Variants in FAM47E observed in about 807,000 individuals in gnomAD.
FAM47E encodes the protein family with sequence similarity 47 member E.
Under a neutral mutation model 41.6 loss-of-function variants are expected in FAM47E, and 32 were observed. That is an observed-to-expected ratio of 0.77 (90% CI 0.58 to 1.03). The LOEUF (loss-of-function observed/expected upper bound fraction) is 1.03, where lower values mean the gene tolerates loss of function less well. Among genes scored for constraint, FAM47E ranks in the 50% least tolerant of loss-of-function variants. FAM47E has a pLI of 0.00. For synonymous variants in FAM47E, 184 were observed against 188.7 expected (o/e 0.98, Z 0.20); for missense variants, 424 against 485.4 (o/e 0.87, Z 1.19).
chr4:76,225,795 T>G (rs545451363), intron 2 of FAM47E, among the ~76,000 whole-genome samples: 1 of 152,308 alleles, frequency 6.6e-6, no homozygotes, highest in Non-Finnish European at 1.5e-5. Flanking sequence ...TAGCTAGTAT[T>G]TTGTTGTAGA....
intron 5 of FAM47E, 53 bp from the exon 6 acceptor site, chr4:76,278,016 A>G: frequency 7.1e-7 from 1 of 1,408,478 alleles, no homozygotes; most frequent in Non-Finnish European, 9.3e-7. Context: ...GATTTTTGAA[A>G]TGACAAACAA....
chr4:76,251,564 C>G (rs1445246563), upstream of FAM47E: 3 of 1,240,356 alleles, frequency 2.4e-6, no homozygotes, highest in Non-Finnish European at 1.0e-6. Flanking sequence ...TCTCCCTTCC[C>G]TCGGCCAGGT....
Position 76,251,730 on chromosome 4 carries a change from G to T in FAM47E, c.-17G>T. 5 of 1,472,812 alleles carry T rather than the reference G, an allele frequency of 3.4e-6. No homozygotes were observed. Among genetic ancestry groups the T allele is most frequent in the Non-Finnish European group, 4.5e-6 (5 of 1,119,182 alleles). 91.2% of individuals were successfully genotyped at this position (1,472,812 alleles called of 1,614,324 possible). A position where few individuals can be genotyped will look rare whatever the true frequency, so the allele number is the denominator to read the frequency against. ...CACCGCCCAAGCCCGGACGGTGGCC[G>T]CGAAGCTAGGGCCACCATGGCGGAC... is the stretch of plus-strand genomic sequence containing the variant. On this transcript the variant is annotated 5_prime_UTR_variant, in exon 1 of 8. Coordinates refer to ENST00000424749, the MANE Select transcript of FAM47E (RefSeq NM_001136570.3).
At chr4:76,258,442 G>GA (rs1191060925) in intron 2 of FAM47E, among the ~76,000 whole-genome samples, 4 of 152,044 alleles carry the variant, frequency 2.6e-5, no homozygotes, top group Admixed American at 2.0e-4. Flanking sequence ...GTTCTCCAAG[G>GA]AAAAATCCAG....
intron 1 of FAM47E, among the ~76,000 whole-genome samples, chr4:76,217,427 G>T (rs954785956): frequency 1.3e-5 from 2 of 152,188 alleles, no homozygotes; most frequent in Non-Finnish European, 2.9e-5. Flanking sequence ...CCTGAGGAGA[G>T]ATTGTTCATG....
At chr4:76,235,159 A>G (rs1396361997) in intron 2 of FAM47E, among the ~76,000 whole-genome samples, 3 of 152,052 alleles carry the variant, frequency 2.0e-5, no homozygotes, top group African/African-American at 7.2e-5. Context: ...CTACTAAAAA[A>G]TACAAAAAAT....
intron 1 of FAM47E, among the ~76,000 whole-genome samples, chr4:76,216,463 C>T (rs974743596): frequency 2.5e-4 from 38 of 152,188 alleles, no homozygotes; most frequent in Admixed American, 2.3e-3. Flanking sequence ...TCCATAGGTA[C>T]CCACTCCTCC....
At chr4:76,255,339 T>G (rs1381482415) in intron 1 of FAM47E, among the ~76,000 whole-genome samples, 5 of 152,228 alleles carry the variant, frequency 3.3e-5, no homozygotes, top group Admixed American at 3.3e-4. Flanking sequence ...AGGGTTGTTA[T>G]GAGATTTAAA....
intron 2 of FAM47E, among the ~76,000 whole-genome samples, chr4:76,230,692 C>T (rs1733477090): frequency 6.6e-6 from 1 of 152,034 alleles, no homozygotes; most frequent in African/African-American, 2.4e-5. Flanking sequence ...GTCCTTCCAT[C>T]CCCGAGTCCA....
chr4:76,259,736 G>A (rs974808707), intron 2 of FAM47E, among the ~76,000 whole-genome samples: 3 of 152,122 alleles, frequency 2.0e-5, no homozygotes, highest in Admixed American at 2.0e-4. Flanking sequence ...TCAGATGAAT[G>A]GATTGGTCAT....
At chr4:76,215,992 TG>T (rs1256422562) in intron 1 of FAM47E, among the ~76,000 whole-genome samples, 1 of 152,198 alleles carries the variant, frequency 6.6e-6, no homozygotes, top group Non-Finnish European at 1.5e-5. Context: ...TGGGACATTT[TG>T]TAGCTACCAA....
Position 76,271,676 on chromosome 4 carries a change from C to A in FAM47E, c.778C>A (p.Leu260Met), listed in dbSNP as rs1560750379. 6.4e-7 allele frequency: 1 copy of A among 1,552,060 alleles called. No individual in the cohort carries two copies. Among genetic ancestry groups the A allele is most frequent in the Non-Finnish European group, 8.7e-7 (1 of 1,147,064 alleles). The part of the protein sequence containing the change: ...LHTMKLNQVP[L>M]ELKRSVGLSK... The stretch of plus-strand genomic sequence containing the variant: ...CACGATGAAGCTAAATCAGGTTCCT[C>A]TGGAGCTAAAGCGTAGTGTGGGGCT... The change falls in exon 5 of 8, where the codon CTG becomes ATG. Residue 260 changes from leucine (L) to methionine (M), a missense_variant. Physicochemically the swap from Leu to Met is conservative, Grantham distance 15. Coordinates refer to ENST00000424749, the MANE Select transcript of FAM47E (RefSeq NM_001136570.3).
intron 2 of FAM47E, among the ~76,000 whole-genome samples, chr4:76,231,222 C>T (rs1009561902): frequency 3.0e-4 from 46 of 152,160 alleles, no homozygotes; most frequent in African/African-American, 1.1e-3. Context: ...TTGTTAGCTC[C>T]CTTGGTCTTA....
intron 2 of FAM47E, among the ~76,000 whole-genome samples, chr4:76,224,388 G>C (rs761635999): frequency 5.9e-5 from 9 of 152,186 alleles, no homozygotes; most frequent in Non-Finnish European, 1.3e-4. Context: ...CACAGAAATG[G>C]AGAGAGGAGG....
rs184352856 is a variant in FAM47E, at chr4:76,222,923, G to T, written c.81+5235G>T. Reference sequence around the variant, plus strand: ...GCTGAAGCTCAGAAGAAAGGCAGGGGGGGAAGAGGCCCAGGTGAAGCCTCG... The same window carrying T: ...GCTGAAGCTCAGAAGAAAGGCAGGGTGGGAAGAGGCCCAGGTGAAGCCTCG... On this transcript the variant is annotated intron_variant, in intron 2 of 7. Transcript: ENST00000510197. 2.0e-5 allele frequency among the ~76,000 whole-genome samples: 3 copies of T among 152,142 alleles called. No homozygotes were observed. In the South Asian group the frequency reaches 6.2e-4, roughly 32 times the overall value.
intron 6 of FAM47E, chr4:76,279,296 A>G (rs1461246427): frequency 1.3e-5 from 2 of 152,230 alleles, no homozygotes; most frequent in Non-Finnish European, 2.9e-5. Context: ...TTTTTCTCAA[A>G]TTAAATATTT....
intron 2 of FAM47E, among the ~76,000 whole-genome samples, chr4:76,229,676 T>A (rs1733460023): frequency 6.6e-6 from 1 of 152,222 alleles, no homozygotes; most frequent in Non-Finnish European, 1.5e-5. Context: ...ACCTGATTCC[T>A]GTGATGTGAT....
intron 2 of FAM47E, among the ~76,000 whole-genome samples, chr4:76,241,234 A>C (rs1382724516): frequency 6.6e-6 from 1 of 152,184 alleles, no homozygotes; most frequent in African/African-American, 2.4e-5. Context: ...GTTGTTTTGA[A>C]TGTCATAGCC....
At chr4:76,277,102 C>T (rs1332409870) in intron 5 of FAM47E, among the ~76,000 whole-genome samples, 1 of 152,186 alleles carries the variant, frequency 6.6e-6, no homozygotes, top group Non-Finnish European at 1.5e-5. Flanking sequence ...ACAACAGGTT[C>T]TCCTAACGTC....
Sources: allele counts gnomAD v4.1 joint callset (sites outside exome capture counted in the v4.1 genomes callset), GRCh38; gene constraint gnomAD v4.1.1; transcripts MANE v1.5; gene names NCBI Gene and HGNC (gene_info 2026-07-23, HGNC 2026-07-21).